RAB28: variants seen among roughly 807,000 people sequenced by gnomAD.
The protein encoded by RAB28 is ras-related protein Rab-28.
Under a neutral mutation model 31.7 loss-of-function variants are expected in RAB28, and 24 were observed. The observed-to-expected ratio is 0.76, with a 90% CI of 0.55 to 1.06. The LOEUF (loss-of-function observed/expected upper bound fraction) is 1.06, where lower values mean the gene tolerates loss of function less well. Ranked by LOEUF, RAB28 falls within the 50% of genes least tolerant of loss-of-function variation. The pLI is 0.00. For synonymous variants in RAB28, 100 were observed against 90.4 expected (o/e 1.11, Z -0.60); for missense variants, 254 against 258.5 (o/e 0.98, Z 0.12).
chr4:13,461,338 T>C (rs921820872), intron 3 of RAB28, among the ~76,000 whole-genome samples: 2 of 152,222 alleles, frequency 1.3e-5, no homozygotes, highest in Non-Finnish European at 2.9e-5. Flanking sequence ...TTTCCTCTTT[T>C]AGTCCACTGT....
At chr4:13,384,899 T>C (rs1179683560) in intron 4 of RAB28, among the ~76,000 whole-genome samples, 1 of 152,022 alleles carries the variant, frequency 6.6e-6, no homozygotes, top group Non-Finnish European at 1.5e-5. Context: ...ATTCAGAATA[T>C]GGATAGAAAC....
intron 4 of RAB28, among the ~76,000 whole-genome samples, chr4:13,433,710 G>T (rs754420909): frequency 2.0e-5 from 3 of 152,122 alleles, no homozygotes; most frequent in Non-Finnish European, 4.4e-5. Flanking sequence ...CTGTTGGTGG[G>T]AACGGAAATT....
intron 4 of RAB28, among the ~76,000 whole-genome samples, chr4:13,451,715 C>T (rs1714977230): frequency 6.6e-6 from 1 of 151,684 alleles, no homozygotes; most frequent in Non-Finnish European, 1.5e-5. Flanking sequence ...TTACATCTTG[C>T]ATTTAGGTTT....
intron 4 of RAB28, among the ~76,000 whole-genome samples, chr4:13,399,946 T>C (rs563408744): frequency 1.4e-4 from 21 of 152,316 alleles, no homozygotes; most frequent in African/African-American, 5.0e-4. Flanking sequence ...TAAGAAACCC[T>C]TCCACATTCT....
chr4:13,466,047 C>A (rs1049502368), intron 3 of RAB28, among the ~76,000 whole-genome samples: 4 of 151,826 alleles, frequency 2.6e-5, no homozygotes, highest in African/African-American at 9.7e-5. Flanking sequence ...ACCCTTATCT[C>A]ACAACATATA....
intron 3 of RAB28, among the ~76,000 whole-genome samples, chr4:13,467,636 T>C (rs2108966169): frequency 6.6e-6 from 1 of 151,750 alleles, no homozygotes; most frequent in Non-Finnish European, 1.5e-5. Context: ...GAACAATCAC[T>C]AAAAAAATTC....
Position 13,401,469 on chromosome 4 carries a change from A to T in RAB28, c.392-19875T>A, listed in dbSNP as rs144429834. On this transcript the variant is annotated intron_variant, in intron 4 of 6. Transcript: ENST00000330852. Reference sequence around the variant, plus strand: ...GCAGCAAACCACTATGGCATGTGTAAAACTACGTAACAAAACTGCACATTC... The same window carrying T: ...GCAGCAAACCACTATGGCATGTGTATAACTACGTAACAAAACTGCACATTC... Among the ~76,000 whole-genome samples, 696 of 152,186 alleles carry T rather than the reference A, an allele frequency of 4.6e-3. 6 individuals carry two copies. Among genetic ancestry groups the T allele is most frequent in the African/African-American group, 0.016 (663 of 41,550 alleles).
chr4:13,389,464 C>A (rs10022847), intron 4 of RAB28, among the ~76,000 whole-genome samples: 14,229 of 152,084 alleles, frequency 0.094, 1,315 homozygotes, highest in African/African-American at 0.24. Context: ...TTTTAACCAC[C>A]ATTTGAAAAA....
At chr4:13,474,428 T>C in intron 2 of RAB28, 22 bp from the exon 3 acceptor site, 2 of 1,420,360 alleles carry the variant, frequency 1.4e-6, no homozygotes, top group Non-Finnish European at 2.0e-6. Flanking sequence ...AAAATGAATA[T>C]AAAAATAAGA....
At chr4:13,388,386 C>T (rs960755368) in intron 4 of RAB28, among the ~76,000 whole-genome samples, 2 of 151,892 alleles carry the variant, frequency 1.3e-5, no homozygotes, top group Admixed American at 6.6e-5. Flanking sequence ...AATTAAAGAC[C>T]TTAACATAAA....
intron 4 of RAB28, among the ~76,000 whole-genome samples, chr4:13,402,471 G>C (rs1476879472): frequency 6.6e-6 from 1 of 152,142 alleles, no homozygotes; most frequent in Non-Finnish European, 1.5e-5. Flanking sequence ...TTTGTGAACT[G>C]ACCCTTTGAT....
At chr4:13,431,421 A>C (rs1272743844) in intron 4 of RAB28, among the ~76,000 whole-genome samples, 1 of 152,154 alleles carries the variant, frequency 6.6e-6, no homozygotes, top group Non-Finnish European at 1.5e-5. Context: ...CAACCCCATC[A>C]GGGTGGGCAC....
At chr4:13,408,505 T>A (rs532980539) in intron 4 of RAB28, among the ~76,000 whole-genome samples, 1 of 152,290 alleles carries the variant, frequency 6.6e-6, no homozygotes, top group South Asian at 2.1e-4. Flanking sequence ...CAGGTTTTGG[T>A]ATCAGGATGA....
chr4:13,369,874 C>A, intron 6 of RAB28: 2 of 1,604,780 alleles, frequency 1.2e-6, no homozygotes, highest in South Asian at 2.3e-5. Context: ...TTAATACCTG[C>A]ACTACTGTAC....
intron 4 of RAB28, among the ~76,000 whole-genome samples, chr4:13,448,131 T>A (rs1387059547): frequency 6.6e-6 from 1 of 152,112 alleles, no homozygotes; most frequent in East Asian, 1.9e-4. Flanking sequence ...AGTATTCCTT[T>A]AAATTATTTT....
chr4:13,377,896 G>C (rs1489186440), intron 5 of RAB28, among the ~76,000 whole-genome samples: 1 of 152,160 alleles, frequency 6.6e-6, no homozygotes, highest in Non-Finnish European at 1.5e-5. Flanking sequence ...AGTCAAGAAA[G>C]GCTCCAAAGT....
rs558293321 is a variant in RAB28 at position 13,418,463 on chromosome 4, AGG to A, written c.392-36871_392-36870del. On this transcript the variant is annotated intron_variant, in intron 4 of 6. Coordinates refer to ENST00000330852, the MANE Select transcript of RAB28 (RefSeq NM_001017979.3). ...AGACACATAATTGTCAGATTCACCA[AGG>A]TTGAAATGAAGGAAAAAATGTTAAG... Among the ~76,000 whole-genome samples the A allele has an allele frequency of 3.4e-3, 523 of 152,320 alleles. 5 individuals carry two copies. Among genetic ancestry groups the A allele is most frequent in the African/African-American group, 0.012 (485 of 41,562 alleles).
intron 4 of RAB28, among the ~76,000 whole-genome samples, chr4:13,382,934 A>T (rs998954102): frequency 6.6e-6 from 1 of 152,004 alleles, no homozygotes; most frequent in African/African-American, 2.4e-5. Context: ...TCCTGACCTC[A>T]AATGATCCAC....
intron 4 of RAB28, among the ~76,000 whole-genome samples, chr4:13,422,580 A>G (rs1713227426): frequency 6.6e-6 from 1 of 152,350 alleles, no homozygotes; most frequent in East Asian, 1.9e-4. Flanking sequence ...ATAAAAAAGG[A>G]TGAGTTCATG....
Sources: allele counts gnomAD v4.1 joint callset (sites outside exome capture counted in the v4.1 genomes callset), GRCh38; gene constraint gnomAD v4.1.1; transcripts MANE v1.5; gene names NCBI Gene and HGNC (gene_info 2026-07-23, HGNC 2026-07-21).